CFAP57: variants seen among roughly 807,000 people sequenced by gnomAD.
CFAP57 encodes cilia- and flagella-associated protein 57.
Under a neutral mutation model 146.8 loss-of-function variants are expected in CFAP57, and 116 were observed. The observed-to-expected ratio is 0.79, with a 90% CI of 0.68 to 0.92. The LOEUF (loss-of-function observed/expected upper bound fraction) is 0.92. CFAP57 is among the 40% of genes least tolerant of loss of function. The probability of loss-of-function intolerance (pLI) is 0.00; values close to 1 mark genes in which losing one functional copy is unlikely to be tolerated. For synonymous variants in CFAP57, 518 were observed against 552.8 expected (o/e 0.94, Z 0.88); for missense variants, 1,377 against 1,527.2 (o/e 0.90, Z 1.64).
chr1:43,176,692 A>G (rs539629028), intron 2 of CFAP57, among the ~76,000 whole-genome samples: 2 of 152,328 alleles, frequency 1.3e-5, no homozygotes, highest in Admixed American at 6.5e-5. Context: ...AATAAAAAGA[A>G]GTACAGTCTA....
At chr1:43,223,462 G>A (rs973291189) in intron 16 of CFAP57, among the ~76,000 whole-genome samples, 2 of 152,150 alleles carry the variant, frequency 1.3e-5, no homozygotes, top group Non-Finnish European at 2.9e-5. Context: ...GGGGGTGTAG[G>A]ATGCTTAGTT....
rs925176259 is a variant in CFAP57 at position 43,226,970 on chromosome 1, A to G, written c.2866-13A>G. 1 of 1,495,354 alleles carries G rather than the reference A, an allele frequency of 6.7e-7. No homozygotes were observed. Among genetic ancestry groups the G allele is most frequent in the Non-Finnish European group, 8.9e-7 (1 of 1,122,942 alleles). 92.6% of individuals were successfully genotyped at this position (1,495,354 alleles called of 1,614,324 possible). On this transcript the variant is annotated splice_polypyrimidine_tract_variant and intron_variant, in intron 17 of 22. Transcript: ENST00000372492. ...TTACAATATCTCTCACTTCTCTCTC[A>G]TCTCACCCCCAGGAGAAGCGAATTT...
In CFAP57 at chr1:43,238,228, C is replaced by T. The variant is rs1645776444; in HGVS notation, c.3405+3590C>T. 6.6e-6 allele frequency among the ~76,000 whole-genome samples: 1 copy of T among 152,134 alleles called. No homozygotes were observed. Among genetic ancestry groups the T allele is most frequent in the South Asian group, 2.1e-4 (1 of 4,816 alleles). On this transcript the variant is annotated intron_variant, in intron 21 of 22. Coordinates refer to ENST00000372492, the MANE Select transcript of CFAP57 (RefSeq NM_001378189.1). This position sits in a 1 kb window ranked among gnomAD's most constrained non-coding sequence, Gnocchi z 4.3. ...AAATCTGTTGCCTGCTTTTTCCAGG[C>T]TGTGAGGTACTGCCATATTCTAAAG...
intron 21 of CFAP57, among the ~76,000 whole-genome samples, chr1:43,240,752 A>G (rs1645882065): frequency 6.6e-6 from 1 of 152,230 alleles, no homozygotes; most frequent in Admixed American, 6.5e-5. Context: ...GCATGGCACC[A>G]GCATTGCTTC....
intron 11 of CFAP57, chr1:43,210,569 A>G: frequency 9.5e-6 from 3 of 315,688 alleles, no homozygotes; most frequent in Non-Finnish European, 1.4e-5. Flanking sequence ...AATAAGGCCA[A>G]CCACAAAAAG....
intron 17 of CFAP57, among the ~76,000 whole-genome samples, 152 bp downstream of exon 17, chr1:43,224,356 C>A (rs543817993): frequency 1.3e-5 from 2 of 152,346 alleles, no homozygotes; most frequent in Non-Finnish European, 2.9e-5. Flanking sequence ...CTGTTGTGTG[C>A]TTGGCACTGG....
intron 11 of CFAP57, among the ~76,000 whole-genome samples, chr1:43,214,036 C>T (rs1644737904): frequency 6.6e-6 from 1 of 151,800 alleles, no homozygotes; most frequent in South Asian, 2.1e-4. Context: ...ACCGTGCCTG[C>T]CACCACGCCC....
At chr1:43,183,432 T>A (rs1415188534) in intron 3 of CFAP57, among the ~76,000 whole-genome samples, 159 bp from the exon 4 acceptor site, 1 of 152,236 alleles carries the variant, frequency 6.6e-6, no homozygotes, top group African/African-American at 2.4e-5. Context: ...GGATTATAGA[T>A]GTGTGCCCTT....
chr1:43,185,303 C>T lies in CFAP57; in HGVS notation c.916C>T (p.Leu306=), dbSNP rs369295514. ...ACSAGPGRVL[L]FEKMEEKDFY... ...TTCTGCTGGGCCAGGGAGAGTTCTG[C>T]TGTTTGAGAAGATGGAAGAAAAGGA... Residue 306 remains leucine (L), a synonymous_variant, in exon 5 of 23, where the codon CTG becomes TTG. Transcript: ENST00000372492. The T allele has an allele frequency of 1.8e-5, 29 of 1,613,810 alleles. No individual in the cohort carries two copies. The highest frequency in any genetic ancestry group is 2.5e-5 in the Non-Finnish European group (29 of 1,179,992).
chr1:43,224,089 T>G lies in CFAP57; in HGVS notation c.2750T>G (p.Ile917Ser). ...GAGATTGAAGAACGAACCAATGACA[T>G]CGAGACCCTAAAAGGAGAGCAGATG... is the stretch of plus-strand genomic sequence containing the variant. ...QKEIEERTND[I>S]ETLKGEQMKL... is the part of the protein sequence containing the mutation. Residue 917 changes from isoleucine (I) to serine (S), a missense_variant, in exon 17 of 23, where the codon ATC becomes AGC. Ile to Ser is a moderately radical substitution (Grantham distance 142). Coordinates refer to ENST00000372492, the MANE Select transcript of CFAP57 (RefSeq NM_001378189.1). 1.9e-6 allele frequency: 3 copies of G among 1,550,492 alleles called. No individual in the cohort carries two copies. The highest frequency in any genetic ancestry group is 2.6e-6 in the Non-Finnish European group (3 of 1,146,958).
chr1:43,227,117 G>A lies in CFAP57; in HGVS notation c.3000G>A (p.Gln1000=), dbSNP rs772978830. ...ATGAGATCAGGGTGATGAAGGAACA[G>A]ATTCAGGAGGTAAGAAGCCATTTGC... ...RENEIRVMKE[Q]IQEMEAELEN... is the part of the protein sequence containing the mutation. The change falls in exon 18 of 23, where the codon CAG becomes CAA. Residue 1000 remains glutamine (Q), a synonymous_variant. Transcript: ENST00000372492. 3.3e-5 allele frequency: 50 copies of A among 1,532,792 alleles called. No homozygotes were observed. Among genetic ancestry groups the A allele is most frequent in the Non-Finnish European group, 4.4e-5 (50 of 1,139,406 alleles). The allele number at this position is 1,532,792 out of a possible 1,614,324, so 94.9% of individuals were successfully genotyped here.
At chr1:43,193,451 C>T (rs1643668902) in intron 6 of CFAP57, among the ~76,000 whole-genome samples, 1 of 151,984 alleles carries the variant, frequency 6.6e-6, no homozygotes, top group Non-Finnish European at 1.5e-5. Flanking sequence ...CCTTCTTTCA[C>T]ATTAAGTAAA....
At position 43,224,169 on chromosome 1, in the gene CFAP57, G is replaced by A. The variant is rs1645154488; in HGVS notation, c.2830G>A (p.Glu944Lys). The A allele has an allele frequency of 1.9e-6, 3 of 1,549,146 alleles. No homozygotes were observed. Among genetic ancestry groups the A allele is most frequent in the Non-Finnish European group, 2.6e-6 (3 of 1,146,360 alleles). Residue 944 changes from glutamate to lysine, a missense_variant, in exon 17 of 23, where the codon GAG becomes AAG. Glu to Lys is a moderately conservative substitution (Grantham distance 56). Transcript: ENST00000372492. ...GAAGGACATCCAAGGCCTCAAGCGA[G>A]AGATCCAGGAAAGAGACGAGACTAT... ...LEKDIQGLKR[E>K]IQERDETIQD...
At chr1:43,199,273 C>A in intron 8 of CFAP57, 117 bp from the exon 9 acceptor site, 1 of 947,222 alleles carries the variant, frequency 1.1e-6, no homozygotes, top group Non-Finnish European at 1.7e-6. Flanking sequence ...TCCCCCCACT[C>A]CCACCCTCAC....
chr1:43,200,928 AG>A (rs1419223765), intron 9 of CFAP57, among the ~76,000 whole-genome samples: 1 of 152,226 alleles, frequency 6.6e-6, no homozygotes, highest in Admixed American at 6.5e-5. Flanking sequence ...GAAGGATTAG[AG>A]TGGAAGGAAA....
At chr1:43,200,339 T>C (rs947252670) in intron 9 of CFAP57, among the ~76,000 whole-genome samples, 20 of 151,782 alleles carry the variant, frequency 1.3e-4, no homozygotes, top group African/African-American at 4.6e-4. Flanking sequence ...TAAAAAATAT[T>C]AGCCAGGTGT....
chr1:43,251,886 A>C (rs562045667), intron 22 of CFAP57, among the ~76,000 whole-genome samples: 17 of 152,362 alleles, frequency 1.1e-4, no homozygotes, highest in African/African-American at 3.8e-4. Flanking sequence ...ACGTAAGTAC[A>C]TTAATCAAAG....
Position 43,227,015 on chromosome 1 carries a change from T to G in CFAP57, c.2898T>G (p.Asn966Lys). The G allele has an allele frequency of 6.6e-7, 1 of 1,524,270 alleles. No individual in the cohort carries two copies. The highest frequency in any genetic ancestry group is 8.8e-7 in the Non-Finnish European group (1 of 1,137,564). 94.4% of individuals were successfully genotyped at this position (1,524,270 alleles called of 1,614,324 possible). ...EKRIYDLKKK[N>K]QELGKFKFVL... ...GAATTTATGATCTGAAAAAGAAAAA[T>G]CAAGAACTAGGGAAATTCAAGTTTG... The change falls in exon 18 of 23, where the codon AAT (asparagine) becomes AAG (lysine). Residue 966 changes from asparagine (N) to lysine (K), a missense_variant. Asn to Lys is a moderately conservative substitution (Grantham distance 94). Coordinates refer to ENST00000372492, the MANE Select transcript of CFAP57 (RefSeq NM_001378189.1).
chr1:43,231,512 T>C (rs1367595965), intron 18 of CFAP57, among the ~76,000 whole-genome samples: 1 of 152,190 alleles, frequency 6.6e-6, no homozygotes, highest in Non-Finnish European at 1.5e-5. Context: ...ACACTCCAGT[T>C]GTCATTCCCA....
Sources: allele counts gnomAD v4.1 joint callset (sites outside exome capture counted in the v4.1 genomes callset), GRCh38; gene constraint gnomAD v4.1.1; non-coding constraint Gnocchi (gnomAD v3.1); transcripts MANE v1.5; gene names NCBI Gene and HGNC (gene_info 2026-07-23, HGNC 2026-07-21).